The following RNF180 variants were observed in gnomAD, a reference collection of about 807,000 sequenced individuals.
RNF180 encodes ring finger protein 180, also known as E3 ubiquitin-protein ligase RNF180.
RNF180 carries 38 observed loss-of-function variants against 59.2 expected under a neutral mutation model. That is an observed-to-expected ratio of 0.64 (90% confidence interval 0.50 to 0.84). The LOEUF (loss-of-function observed/expected upper bound fraction) is 0.84. Ranked by LOEUF, RNF180 falls within the 40% of genes least tolerant of loss-of-function variation. RNF180 has a pLI of 0.00. For missense variants in RNF180, 705 were observed against 700.9 expected (o/e 1.01, Z -0.07); for synonymous variants, 262 against 240.3 (o/e 1.09, Z -0.84).
intron 1 of RNF180, among the ~76,000 whole-genome samples, chr5:64,169,637 C>T (rs903777579): frequency 1.4e-4 from 22 of 152,182 alleles, no homozygotes; most frequent in African/African-American, 5.1e-4. Context: ...CTTATTTTAA[C>T]CAAGTAGCCT....
intron 5 of RNF180, among the ~76,000 whole-genome samples, chr5:64,246,239 AG>A (rs1205203492): frequency 1.3e-5 from 2 of 152,322 alleles, no homozygotes; most frequent in Non-Finnish European, 2.9e-5. Flanking sequence ...TTCAAAAGCT[AG>A]CAGAAGACGA....
intron 5 of RNF180, among the ~76,000 whole-genome samples, chr5:64,250,429 A>G (rs1330250962): frequency 6.6e-6 from 1 of 152,182 alleles, no homozygotes; most frequent in Non-Finnish European, 1.5e-5. Context: ...GGCAGAAATC[A>G]ATGAAATGTA....
intron 2 of RNF180, among the ~76,000 whole-genome samples, chr5:64,205,570 A>G (rs1751973656): frequency 6.6e-6 from 1 of 152,174 alleles, no homozygotes; most frequent in African/African-American, 2.4e-5. Context: ...TGTGGCCTGT[A>G]GAATATTCAA....
intron 2 of RNF180, among the ~76,000 whole-genome samples, chr5:64,209,990 G>A (rs1346848820): frequency 6.6e-6 from 1 of 151,972 alleles, no homozygotes; most frequent in Non-Finnish European, 1.5e-5. Context: ...TAAAAATTTT[G>A]TGTATGAGTT....
intron 7 of RNF180, among the ~76,000 whole-genome samples, chr5:64,349,308 T>A (rs745612028): frequency 2.6e-5 from 4 of 152,144 alleles, no homozygotes; most frequent in Non-Finnish European, 5.9e-5. Context: ...GTTGTTGTTG[T>A]TGTTAACTTC....
At chr5:64,273,600 G>A (rs1741552859) in intron 5 of RNF180, among the ~76,000 whole-genome samples, 1 of 151,892 alleles carries the variant, frequency 6.6e-6, no homozygotes, top group Non-Finnish European at 1.5e-5. Flanking sequence ...AAGAGGTCAA[G>A]AAAGATAAAA....
intron 5 of RNF180, among the ~76,000 whole-genome samples, chr5:64,303,177 A>G (rs1743247123): frequency 6.6e-6 from 1 of 151,626 alleles, no homozygotes; most frequent in South Asian, 2.1e-4. Context: ...AACTTAATCC[A>G]TAACTGTTGT....
intron 1 of RNF180, among the ~76,000 whole-genome samples, chr5:64,200,285 TAAAATAA>T (rs1043750740): frequency 2.0e-4 from 31 of 151,642 alleles, no homozygotes; most frequent in African/African-American, 6.8e-4. Context: ...GTAAAAAAAA[TAAAATAA>T]AAAATAAAAA....
At chr5:64,247,195 A>G (rs898023938) in intron 5 of RNF180, among the ~76,000 whole-genome samples, 3 of 152,178 alleles carry the variant, frequency 2.0e-5, no homozygotes, top group Non-Finnish European at 4.4e-5. Context: ...CCCTTCGAAA[A>G]CCAGCACAAG....
intron 1 of RNF180, among the ~76,000 whole-genome samples, chr5:64,191,062 TAATG>T (rs917328046): frequency 6.6e-6 from 1 of 152,230 alleles, no homozygotes. Flanking sequence ...CTTTTTTTGT[TAATG>T]AATACCAGTA....
chr5:64,188,238 T>C (rs538551312), intron 1 of RNF180, among the ~76,000 whole-genome samples: 2 of 152,224 alleles, frequency 1.3e-5, no homozygotes, highest in East Asian at 3.9e-4. Context: ...TGTGTAACAA[T>C]GAGATTTCCC....
chr5:64,271,884 C>A (rs1741426402), intron 5 of RNF180, among the ~76,000 whole-genome samples: 1 of 151,926 alleles, frequency 6.6e-6, no homozygotes, highest in Admixed American at 6.6e-5. Flanking sequence ...AGGAACATTC[C>A]CAGGTTTATG....
chr5:64,172,720 T>C (rs1750006928), intron 1 of RNF180, among the ~76,000 whole-genome samples: 1 of 152,136 alleles, frequency 6.6e-6, no homozygotes, highest in East Asian at 1.9e-4. Flanking sequence ...AACAAAGAGG[T>C]CCTCCGTGTA....
At chr5:64,215,452 T>C (rs903608890) in intron 4 of RNF180, among the ~76,000 whole-genome samples, 1 of 152,224 alleles carries the variant, frequency 6.6e-6, no homozygotes, top group Non-Finnish European at 1.5e-5. Context: ...CATTGAATGC[T>C]TCAGATTGAG....
At chr5:64,368,297 C>G (rs1308151866) in intron 7 of RNF180, among the ~76,000 whole-genome samples, 2 of 151,606 alleles carry the variant, frequency 1.3e-5, no homozygotes. Context: ...GTATAAGATA[C>G]AAGGTTAAGT....
At chr5:64,218,872 T>A (rs1407112552) in intron 5 of RNF180, among the ~76,000 whole-genome samples, 1 of 152,212 alleles carries the variant, frequency 6.6e-6, no homozygotes. Context: ...TTGCTAATGT[T>A]TAAAAACACT....
chr5:64,366,878 G>A (rs1402951138), intron 7 of RNF180, among the ~76,000 whole-genome samples: 1 of 151,468 alleles, frequency 6.6e-6, no homozygotes, highest in Non-Finnish European at 1.5e-5. Flanking sequence ...GATACAGGAA[G>A]CTCAGAAATC....
intron 5 of RNF180, among the ~76,000 whole-genome samples, chr5:64,271,599 G>A (rs558715082): frequency 2.0e-5 from 3 of 151,972 alleles, no homozygotes; most frequent in East Asian, 1.9e-4. Flanking sequence ...ATTGCCTAAC[G>A]ACACATTTCT....
At chr5:64,240,488 G>A (rs986532876) in intron 5 of RNF180, among the ~76,000 whole-genome samples, 2 of 152,166 alleles carry the variant, frequency 1.3e-5, no homozygotes, top group African/African-American at 2.4e-5. Context: ...TGTTATTGCA[G>A]TTAAACATGC....
Sources: gnomAD v4.1 joint callset for allele counts (sites outside exome capture counted in the v4.1 genomes callset) on GRCh38, gnomAD v4.1.1 for gene constraint, MANE v1.5 for transcripts, NCBI Gene and HGNC (gene_info 2026-07-23, HGNC 2026-07-21) for gene names.